Variants in CPQ observed in about 807,000 individuals in gnomAD.
The protein encoded by CPQ is Ser-Met dipeptidase.
Under a neutral mutation model 45.7 loss-of-function variants are expected in CPQ, and 37 were observed. The ratio of observed to expected loss-of-function variants is 0.81; its 90% CI spans 0.62 to 1.07. CPQ has a LOEUF of 1.07. Among genes scored for constraint, CPQ ranks in the 50% least tolerant of loss-of-function variants. The pLI, the probability that CPQ is intolerant of heterozygous loss-of-function variation, is 0.00. For synonymous variants in CPQ, 186 were observed against 205.8 expected (o/e 0.90, Z 0.82); for missense variants, 537 against 572.9 (o/e 0.94, Z 0.64).
chr8:96,775,541 C>T (rs749560799), intron 1 of CPQ, among the ~76,000 whole-genome samples: 2 of 152,000 alleles, frequency 1.3e-5, no homozygotes, highest in South Asian at 2.1e-4. Context: ...TAAAAGATGA[C>T]CAATTTTGGG....
chr8:96,777,234 G>A (rs1810616141), intron 1 of CPQ, among the ~76,000 whole-genome samples: 1 of 152,104 alleles, frequency 6.6e-6, no homozygotes, highest in Admixed American at 6.6e-5. Context: ...TGACAAGTAG[G>A]TAGATGATGA....
At chr8:96,669,419 A>G (rs540774718) in intron 1 of CPQ, among the ~76,000 whole-genome samples, 97 of 152,196 alleles carry the variant, frequency 6.4e-4, no homozygotes, top group Non-Finnish European at 1.1e-3. Context: ...TTGTACCTCT[A>G]TCTGGCATTG....
At chr8:96,722,918 CAGA>C (rs1473812027) in intron 1 of CPQ, among the ~76,000 whole-genome samples, 1 of 151,972 alleles carries the variant, frequency 6.6e-6, no homozygotes, top group African/African-American at 2.4e-5. Flanking sequence ...GCTCATTGGC[CAGA>C]AGTAGTCATA....
intron 1 of CPQ, among the ~76,000 whole-genome samples, chr8:96,690,068 G>A (rs1256693979): frequency 6.6e-6 from 1 of 151,838 alleles, no homozygotes; most frequent in Non-Finnish European, 1.5e-5. Flanking sequence ...GTATTGCCTT[G>A]CCTTATTTTA....
At chr8:96,838,925 A>G (rs1326645565) in intron 3 of CPQ, among the ~76,000 whole-genome samples, 1 of 152,116 alleles carries the variant, frequency 6.6e-6, no homozygotes, top group Non-Finnish European at 1.5e-5. Context: ...AATATGCCAG[A>G]TTATACATTT....
rs138576601 is a variant in CPQ, at chr8:96,744,313, C to T, written c.-34-40551C>T. ...GACCCCTTGTGCTTCCCGAGTGAGG[C>T]AATGCCTCGCCCTGCTTCTGCTCTC... is the stretch of plus-strand genomic sequence containing the variant. On this transcript the variant is annotated intron_variant, in intron 1 of 7. Transcript: ENST00000220763. Among the ~76,000 whole-genome samples the T allele has an allele frequency of 4.8e-3, 729 of 152,356 alleles. 5 individuals carry two copies. The highest frequency in any genetic ancestry group is 0.016 in the African/African-American group (676 of 41,580).
intron 1 of CPQ, among the ~76,000 whole-genome samples, chr8:96,747,538 A>T (rs2077280592): frequency 6.6e-6 from 1 of 152,188 alleles, no homozygotes; most frequent in Admixed American, 6.5e-5. Context: ...GGTTTCATCC[A>T]TTTAGCCCCA....
chr8:97,019,202 C>T (rs1368069543), intron 5 of CPQ, among the ~76,000 whole-genome samples: 1 of 152,206 alleles, frequency 6.6e-6, no homozygotes, highest in East Asian at 1.9e-4. Context: ...CACTACCAAG[C>T]CACCACTACA....
At chr8:97,014,105 A>T (rs984272275) in intron 5 of CPQ, among the ~76,000 whole-genome samples, 4 of 152,212 alleles carry the variant, frequency 2.6e-5, no homozygotes, top group Non-Finnish European at 5.9e-5. Flanking sequence ...TTCTAAGAAG[A>T]TGAATCTGGC....
At chr8:96,800,277 G>A (rs1463680329) in intron 2 of CPQ, among the ~76,000 whole-genome samples, 1 of 152,130 alleles carries the variant, frequency 6.6e-6, no homozygotes, top group South Asian at 2.1e-4. Flanking sequence ...TTAGTAATAA[G>A]TACAATGCAA....
At chr8:96,892,697 T>A (rs146184074) in intron 4 of CPQ, among the ~76,000 whole-genome samples, 56 of 152,324 alleles carry the variant, frequency 3.7e-4, no homozygotes, top group African/African-American at 1.3e-3. Context: ...TGCTCATAGC[T>A]GTGCATGCCT....
At chr8:96,882,747 G>A (rs145586223) in intron 4 of CPQ, among the ~76,000 whole-genome samples, 56 of 152,300 alleles carry the variant, frequency 3.7e-4, no homozygotes, top group African/African-American at 1.3e-3. Flanking sequence ...TGTCAGCTCA[G>A]CCTGACTCAT....
At chr8:96,733,545 C>CT (rs1331818065) in intron 1 of CPQ, among the ~76,000 whole-genome samples, 5 of 152,064 alleles carry the variant, frequency 3.3e-5, no homozygotes, top group Admixed American at 2.6e-4. Flanking sequence ...TCAGGTATTT[C>CT]TTTTAACAGC....
intron 7 of CPQ, among the ~76,000 whole-genome samples, chr8:97,082,864 T>C (rs1279614403): frequency 6.6e-6 from 1 of 152,116 alleles, no homozygotes; most frequent in Non-Finnish European, 1.5e-5. Flanking sequence ...TAAGTGTTAT[T>C]TATAGGAACA....
intron 3 of CPQ, among the ~76,000 whole-genome samples, chr8:96,839,489 C>T (rs544510795): frequency 1.3e-5 from 2 of 152,074 alleles, no homozygotes; most frequent in South Asian, 2.1e-4. Context: ...TTGCTTTTGT[C>T]CTGGGAAATA....
At chr8:96,741,528 G>C (rs1026505919) in intron 1 of CPQ, among the ~76,000 whole-genome samples, 1 of 152,078 alleles carries the variant, frequency 6.6e-6, no homozygotes, top group African/African-American at 2.4e-5. Flanking sequence ...TTTTGAATGT[G>C]TTTGTTGTTG....
At chr8:97,015,689 C>T (rs1809567930) in intron 5 of CPQ, among the ~76,000 whole-genome samples, 1 of 151,970 alleles carries the variant, frequency 6.6e-6, no homozygotes, top group South Asian at 2.1e-4. Context: ...TGGCATGTGT[C>T]AAGAGCCTTA....
intron 4 of CPQ, among the ~76,000 whole-genome samples, chr8:96,942,503 C>G (rs1433963324): frequency 6.6e-6 from 1 of 152,048 alleles, no homozygotes; most frequent in Non-Finnish European, 1.5e-5. Context: ...GAAAAACAGA[C>G]CCTTGGGGTA....
At chr8:96,782,810 A>G (rs1810706423) in intron 1 of CPQ, among the ~76,000 whole-genome samples, 1 of 152,294 alleles carries the variant, frequency 6.6e-6, no homozygotes, top group South Asian at 2.1e-4. Context: ...TTCTTCCATC[A>G]GATATTCTAG....
Sources: gnomAD v4.1 joint callset for allele counts (sites outside exome capture counted in the v4.1 genomes callset) on GRCh38, gnomAD v4.1.1 for gene constraint, MANE v1.5 for transcripts, NCBI Gene and HGNC (gene_info 2026-07-23, HGNC 2026-07-21) for gene names.